The following DENND1B variants were observed in gnomAD, a reference collection of about 807,000 sequenced individuals.
DENND1B encodes the protein DENN domain containing 1B, also known as DENN domain-containing protein 1B.
DENND1B carries 59 observed loss-of-function variants against 90.1 expected under a neutral mutation model. The observed-to-expected ratio is 0.65, with a 90% confidence interval of 0.53 to 0.81. DENND1B has a LOEUF of 0.81. DENND1B is among the 40% of genes least tolerant of loss of function. DENND1B has a pLI of 0.00. For synonymous variants in DENND1B, 337 were observed against 324.6 expected (o/e 1.04, Z -0.41); for missense variants, 862 against 912.6 (o/e 0.94, Z 0.71).
intron 8 of DENND1B, among the ~76,000 whole-genome samples, chr1:197,646,829 C>T (rs1367259788): frequency 6.6e-6 from 1 of 151,980 alleles, no homozygotes; most frequent in African/African-American, 2.4e-5. Context: ...GTCTCTATAA[C>T]CTACTTTTAT....
rs1341028199 is a variant in DENND1B, at chr1:197,556,409, TATC to T, written c.1150-3300_1150-3298del. Among the ~76,000 whole-genome samples the T allele has an allele frequency of 1.2e-4, 19 of 152,188 alleles. No homozygotes were observed. The South Asian group carries it at 3.9e-3, about 32-fold the overall frequency. On this transcript the variant is annotated intron_variant, in intron 15 of 22. Coordinates refer to ENST00000620048, the MANE Select transcript of DENND1B (RefSeq NM_001195215.2). Reference sequence around the variant, plus strand: ...GAAAAATGTGGTTTAATCATCCTTTTATCATCATCTAATGCTTTTGAGTGAAAA... The same window carrying T: ...GAAAAATGTGGTTTAATCATCCTTTTATCATCTAATGCTTTTGAGTGAAAA...
intron 15 of DENND1B, among the ~76,000 whole-genome samples, chr1:197,554,100 TACACACACACACACAC>T (rs4026509): frequency 4.3e-4 from 60 of 140,072 alleles, no homozygotes; most frequent in South Asian, 7.4e-4. Context: ...TCAATGATTA[TACACACACACACACAC>T]ACACACACAC....
intron 2 of DENND1B, chr1:197,735,343 A>G (rs1662542362): frequency 6.9e-6 from 9 of 1,310,126 alleles, no homozygotes; most frequent in Non-Finnish European, 8.8e-6. Context: ...AGAATGCTAC[A>G]CAGCTCCACC....
chr1:197,590,185 T>C (rs1675069104), intron 14 of DENND1B, among the ~76,000 whole-genome samples: 1 of 152,292 alleles, frequency 6.6e-6, no homozygotes, highest in Middle Eastern at 3.4e-3. Flanking sequence ...ATTTTATTTT[T>C]AATAATGACG....
At chr1:197,618,053 T>G (rs1414109067) in intron 10 of DENND1B, among the ~76,000 whole-genome samples, 1 of 150,952 alleles carries the variant, frequency 6.6e-6, no homozygotes, top group Non-Finnish European at 1.5e-5. Flanking sequence ...AACTGAAAAA[T>G]TAGGTGTGCA....
At chr1:197,694,889 G>C (rs1351397839) in intron 3 of DENND1B, among the ~76,000 whole-genome samples, 1 of 151,234 alleles carries the variant, frequency 6.6e-6, no homozygotes, top group Non-Finnish European at 1.5e-5. Flanking sequence ...AAGGTCATTT[G>C]TACAGGGGTT....
chr1:197,778,723 A>G (rs1175324164), upstream of DENND1B, among the ~76,000 whole-genome samples: 1 of 151,910 alleles, frequency 6.6e-6, no homozygotes, highest in African/African-American at 2.4e-5. Context: ...ATAAATTTAA[A>G]TCTATTTCTG....
At chr1:197,754,367 T>A (rs1311083042) in intron 2 of DENND1B, among the ~76,000 whole-genome samples, 2 of 152,076 alleles carry the variant, frequency 1.3e-5, no homozygotes, top group African/African-American at 4.8e-5. Flanking sequence ...TCGGCCCATA[T>A]AATAAAATTC....
At position 197,747,900 on chromosome 1, in the gene DENND1B, T is replaced by C. The variant is rs150163013; in HGVS notation, c.82+24968A>G. Among the ~76,000 whole-genome samples, 11 of 152,324 alleles carry C rather than the reference T, an allele frequency of 7.2e-5. No individual in the cohort carries two copies. In the East Asian group the frequency reaches 2.1e-3, roughly 29 times the overall value. On this transcript the variant is annotated intron_variant, in intron 2 of 22. Transcript: ENST00000620048. ...ATGCTCATGTCACTTGTGCCATAGA[T>C]AATAAAGTCCTCTATTTCTGATCAT...
intron 9 of DENND1B, among the ~76,000 whole-genome samples, chr1:197,644,885 TC>T (rs534654326): frequency 1.8e-3 from 270 of 152,292 alleles, no homozygotes; most frequent in Non-Finnish European, 2.7e-3. Flanking sequence ...AATACTTTTT[TC>T]CTGTTGATTT....
intron 1 of DENND1B, 122 bp from the exon 2 acceptor site, chr1:197,773,054 C>T: frequency 1.3e-6 from 1 of 791,268 alleles, no homozygotes. Flanking sequence ...GACTGTATTA[C>T]TACAGTATAG....
chr1:197,555,339 C>T (rs1172007500), intron 15 of DENND1B, among the ~76,000 whole-genome samples: 1 of 151,970 alleles, frequency 6.6e-6, no homozygotes, highest in African/African-American at 2.4e-5. Flanking sequence ...GTAAATGTAA[C>T]AAAACCAAAA....
At chr1:197,743,069 A>G (rs937506601) in intron 2 of DENND1B, among the ~76,000 whole-genome samples, 1 of 152,206 alleles carries the variant, frequency 6.6e-6, no homozygotes, top group Admixed American at 6.5e-5. Flanking sequence ...TTTATTCCAG[A>G]CTATCTTTTC....
intron 3 of DENND1B, among the ~76,000 whole-genome samples, chr1:197,714,671 C>G (rs553866274): frequency 1.2e-4 from 18 of 152,202 alleles, no homozygotes; most frequent in Admixed American, 4.6e-4. Context: ...TCTAAGTACA[C>G]AGAAAGAATA....
intron 17 of DENND1B, among the ~76,000 whole-genome samples, chr1:197,546,471 A>G (rs1670824752): frequency 6.6e-6 from 1 of 152,212 alleles, no homozygotes; most frequent in Non-Finnish European, 1.5e-5. Context: ...GGAAAATAAT[A>G]TAAGAAAAAC....
chr1:197,609,787 G>C (rs1677019715), intron 12 of DENND1B, among the ~76,000 whole-genome samples: 2 of 150,224 alleles, frequency 1.3e-5, no homozygotes, highest in South Asian at 4.2e-4. Context: ...TTGACCAAGA[G>C]AGAGGGAATA....
At chr1:197,706,367 T>C (rs1486707449) in intron 3 of DENND1B, among the ~76,000 whole-genome samples, 1 of 152,184 alleles carries the variant, frequency 6.6e-6, no homozygotes, top group African/African-American at 2.4e-5. Context: ...GATGTTGCGT[T>C]GGGCAAAGAT....
At chr1:197,735,124 TC>T in intron 2 of DENND1B, 1 of 964,002 alleles carries the variant, frequency 1.0e-6, no homozygotes, top group Non-Finnish European at 1.2e-6. Flanking sequence ...TTTGGTTAAA[TC>T]TATATTATAT....
chr1:197,756,552 G>A lies in DENND1B; in HGVS notation c.82+16316C>T, dbSNP rs540625244. Among the ~76,000 whole-genome samples the A allele has an allele frequency of 2.3e-5, 3 of 130,852 alleles. 1 individual carries two copies. The highest frequency in any genetic ancestry group is 8.6e-5 in the African/African-American group (3 of 34,712). The allele number at this position is 130,852 out of a possible 152,430, so 85.8% of individuals were successfully genotyped here. ...GATCGCACCACTGCACTCCAGACTGGGCAACAGAGCAAGTCTCCATCTCAA... is the reference window on the plus strand; with the variant it reads ...GATCGCACCACTGCACTCCAGACTGAGCAACAGAGCAAGTCTCCATCTCAA... On this transcript the variant is annotated intron_variant, in intron 2 of 22. Coordinates refer to ENST00000620048, the MANE Select transcript of DENND1B (RefSeq NM_001195215.2).
Sources: gnomAD v4.1 joint callset for allele counts (sites outside exome capture counted in the v4.1 genomes callset) on GRCh38, gnomAD v4.1.1 for gene constraint, MANE v1.5 for transcripts, NCBI Gene and HGNC (gene_info 2026-07-23, HGNC 2026-07-21) for gene names.